Variants in ATM observed in about 807,000 individuals in gnomAD.
ATM encodes the protein ATM serine/threonine kinase, also known as serine-protein kinase ATM.
A neutral mutation model predicts 387.0 loss-of-function variants in ATM; 308 were observed. The ratio of observed to expected loss-of-function variants is 0.80; its 90% CI spans 0.73 to 0.87. The LOEUF is 0.87. Ranked by LOEUF, ATM falls within the 40% of genes least tolerant of loss-of-function variation. The probability of loss-of-function intolerance (pLI) is 0.00; values close to 1 mark genes in which losing one functional copy is unlikely to be tolerated. For synonymous variants in ATM, 1,156 were observed against 1,187.3 expected (o/e 0.97, Z 0.54); for missense variants, 3,312 against 3,560.9 (o/e 0.93, Z 1.78).
At chr11:108,259,183 A>G (rs1335122403) in intron 16 of ATM, 108 bp downstream of exon 16, 27 of 971,582 alleles carry the variant, frequency 2.8e-5, no homozygotes, top group Non-Finnish European at 2.2e-5. Flanking sequence ...ATAGCTCTTA[A>G]CATTTTTACA....
intron 26 of ATM, 197 bp from the exon 27 acceptor site, chr11:108,287,403 C>T: frequency 2.5e-6 from 1 of 395,348 alleles, no homozygotes; most frequent in East Asian, 4.2e-5. Flanking sequence ...ATACTTTTTC[C>T]TCTTAGTCTA....
At chr11:108,247,215 CT>C (rs1170078578) in intron 8 of ATM, 88 bp downstream of exon 8, 1 of 1,328,314 alleles carries the variant, frequency 7.5e-7, no homozygotes, top group African/African-American at 1.5e-5. Context: ...AACCTGTGTT[CT>C]CACAAAAAGC....
chr11:108,336,860 A>T (rs1223704415), intron 56 of ATM, among the ~76,000 whole-genome samples: 1 of 152,100 alleles, frequency 6.6e-6, no homozygotes, highest in Non-Finnish European at 1.5e-5. Flanking sequence ...TTATTCATTT[A>T]ACCAGTTTAG....
chr11:108,234,757 C>T (rs1474089596), intron 4 of ATM, among the ~76,000 whole-genome samples: 1 of 151,956 alleles, frequency 6.6e-6, no homozygotes, highest in Admixed American at 6.6e-5. Flanking sequence ...GGGAGGATCC[C>T]TTGAGCCTGA....
At chr11:108,324,424 TCA>T in intron 45 of ATM, among the ~76,000 whole-genome samples, 1 of 152,300 alleles carries the variant, frequency 6.6e-6, no homozygotes, top group Admixed American at 6.5e-5. Context: ...TAGATTTTTC[TCA>T]GTCTTTCTAA....
At chr11:108,336,924 T>C (rs1377992638) in intron 56 of ATM, among the ~76,000 whole-genome samples, 1 of 152,254 alleles carries the variant, frequency 6.6e-6, no homozygotes, top group Non-Finnish European at 1.5e-5. Context: ...GTTTGTCTTT[T>C]GTGATTTCAT....
intron 61 of ATM, among the ~76,000 whole-genome samples, chr11:108,357,667 A>AC (rs1388103349): frequency 6.6e-6 from 1 of 151,724 alleles, no homozygotes; most frequent in East Asian, 1.9e-4. Context: ...ACTGGGAGGC[A>AC]CCCCCCAGCA....
intron 61 of ATM, among the ~76,000 whole-genome samples, chr11:108,361,602 A>C (rs1163673290): frequency 6.6e-6 from 1 of 151,888 alleles, no homozygotes; most frequent in African/African-American, 2.4e-5. Flanking sequence ...AAACAGAGAT[A>C]TAGATCAATG....
chr11:108,299,536 A>G (rs1052514546), intron 33 of ATM, 178 bp from the exon 34 acceptor site: 9 of 553,706 alleles, frequency 1.6e-5, no homozygotes, highest in Non-Finnish European at 2.6e-5. Flanking sequence ...ACCTCAGGTG[A>G]TCCGCCCGCC....
chr11:108,331,342 G>C, intron 50 of ATM, 102 bp from the exon 51 acceptor site: 3 of 1,493,490 alleles, frequency 2.0e-6, no homozygotes, highest in Non-Finnish European at 2.7e-6. Flanking sequence ...TTAACCACTT[G>C]TGCTAATAGA....
At chr11:108,237,934 T>A (rs2079373710) in intron 5 of ATM, among the ~76,000 whole-genome samples, 2 of 141,772 alleles carry the variant, frequency 1.4e-5, no homozygotes, top group African/African-American at 6.0e-5. Flanking sequence ...TGCTTCTTTG[T>A]TTGTTTTTTT....
Position 108,304,699 on chromosome 11 carries a change from G to A in ATM, c.5521G>A (p.Val1841Ile), listed in dbSNP as rs1565481593. The change falls in exon 37 of 63, where the codon GTA (valine) becomes ATA (isoleucine). Residue 1841 changes from valine to isoleucine, a missense_variant. This residue lies in a region of ATM where 1,405 missense variants were observed against 1,604.4 expected (regional missense o/e 0.88). Transcript: ENST00000675843. The part of the protein sequence containing the change: ...CEVKTDFCQT[V>I]LPYLIHDILL... ...GGTGAAAACTGACTTTTGTCAGACT[G>A]TACTTCCATACTTGATTCATGATAT... 1.2e-6 allele frequency: 2 copies of A among 1,613,858 alleles called. No individual in the cohort carries two copies. Among genetic ancestry groups the A allele is most frequent in the South Asian group, 2.2e-5 (2 of 91,068 alleles).
chr11:108,258,870 G>A, intron 15 of ATM, 116 bp from the exon 16 acceptor site: 1 of 756,964 alleles, frequency 1.3e-6, no homozygotes, highest in Non-Finnish European at 2.3e-6. Context: ...CATATATATT[G>A]GCCCTAATAG....
At chr11:108,270,059 A>T (rs2081488656) in intron 18 of ATM, among the ~76,000 whole-genome samples, 1 of 152,218 alleles carries the variant, frequency 6.6e-6, no homozygotes, top group Non-Finnish European at 1.5e-5. Flanking sequence ...TAAGAAATAT[A>T]TTATTCTATA....
At chr11:108,334,038 G>T (rs547275130) in intron 54 of ATM, 70 bp downstream of exon 54, 2 of 1,215,766 alleles carry the variant, frequency 1.6e-6, no homozygotes, top group African/African-American at 3.0e-5. Context: ...ATTTGAAATA[G>T]TATTTTTATG....
rs775850434 is a variant in ATM at position 108,325,418 on chromosome 11, C to T, written c.6681C>T (p.Arg2227=). 1.7e-5 allele frequency: 28 copies of T among 1,613,632 alleles called. No homozygotes were observed. Among genetic ancestry groups the T allele is most frequent in the South Asian group, 1.6e-4 (15 of 91,072 alleles). The change falls in exon 46 of 63, where the codon CGC becomes CGT. Residue 2227 remains arginine, a synonymous_variant. Coordinates refer to ENST00000675843, the MANE Select transcript of ATM (RefSeq NM_000051.4). ...FSFQEPIMAL[R]TVILEILMEK... ...TTCAGGAGCCTATCATGGCTCTACGCACAGTCATTTTGGAGATCCTGATGG... is the reference window on the plus strand; with the variant it reads ...TTCAGGAGCCTATCATGGCTCTACGTACAGTCATTTTGGAGATCCTGATGG...
At chr11:108,281,639 ATAG>A (rs2082238694) in intron 24 of ATM, among the ~76,000 whole-genome samples, 1 of 152,230 alleles carries the variant, frequency 6.6e-6, no homozygotes, top group African/African-American at 2.4e-5. Flanking sequence ...GCACAGTATT[ATAG>A]AATGTTGGCC....
At chr11:108,339,094 TGGAAATGAA>T (rs1470746995) in intron 56 of ATM, among the ~76,000 whole-genome samples, 20 of 152,336 alleles carry the variant, frequency 1.3e-4, no homozygotes, top group African/African-American at 3.8e-4. Context: ...GAGAATCAGA[TGGAAATGAA>T]GACAGTTCTT....
In ATM at chr11:108,229,209, G is replaced by C. The variant is rs1555055119; in HGVS notation, c.217G>C (p.Glu73Gln). The change falls in exon 4 of 63, where the codon GAA becomes CAA. Residue 73 changes from glutamate to glutamine, a missense_variant. By Grantham distance (29) the Glu-to-Gln change is conservative. Around this residue, in one of 4 missense-constraint regions of ATM, gnomAD observed 1,791 missense variants for 1,804.5 expected, o/e 0.99. Coordinates refer to ENST00000675843, the MANE Select transcript of ATM (RefSeq NM_000051.4). The part of the protein sequence containing the change: ...FLQKYIQKET[E>Q]CLRIAKPNVS... ...ACAGAAATATATTCAGAAAGAAACAGAATGTCTGAGAATAGCAAAACCAAA... is the reference window on the plus strand; with the variant it reads ...ACAGAAATATATTCAGAAAGAAACACAATGTCTGAGAATAGCAAAACCAAA... 6.2e-7 allele frequency: 1 copy of C among 1,613,064 alleles called. No homozygotes were observed. The highest frequency in any genetic ancestry group is 2.2e-5 in the East Asian group (1 of 44,814).
Sources: gnomAD v4.1 joint callset for allele counts (sites outside exome capture counted in the v4.1 genomes callset) on GRCh38, gnomAD v4.1.1 for gene constraint, gnomAD v4.1.1 regional missense constraint, MANE v1.5 for transcripts, NCBI Gene and HGNC (gene_info 2026-07-23, HGNC 2026-07-21) for gene names.